Variants in GNG2 observed in about 807,000 individuals in gnomAD.
GNG2 encodes G protein subunit gamma 2.
A neutral mutation model predicts 5.5 loss-of-function variants in GNG2; 5 were observed. The ratio of observed to expected loss-of-function variants is 0.91; its 90% confidence interval spans 0.48 to 1.92. The LOEUF is 1.92. GNG2 is among the 30% of genes most tolerant of loss of function. GNG2 has a pLI of 0.01. For missense variants in GNG2, 55 were observed against 88.4 expected (o/e 0.62, Z 1.52); for synonymous variants, 28 against 32.0 (o/e 0.88, Z 0.42).
intron 3 of GNG2, among the ~76,000 whole-genome samples, chr14:51,958,383 AG>A (rs1889389356): frequency 1.4e-5 from 2 of 143,290 alleles, no homozygotes; most frequent in Admixed American, 1.4e-4. Flanking sequence ...AGGACCTCTC[AG>A]TGGATAGAGC....
intron 2 of GNG2, among the ~76,000 whole-genome samples, chr14:51,924,015 T>C (rs1887171902): frequency 6.6e-6 from 1 of 152,230 alleles, no homozygotes; most frequent in Admixed American, 6.5e-5. Flanking sequence ...ATTATGATCC[T>C]TTTCAGGTCT....
At chr14:51,900,312 C>T (rs1885465678) in intron 2 of GNG2, among the ~76,000 whole-genome samples, 1 of 152,042 alleles carries the variant, frequency 6.6e-6, no homozygotes, top group African/African-American at 2.4e-5. Flanking sequence ...CATGAAATCT[C>T]ATACAAATAT....
chr14:51,834,894 C>A (rs186086949), intron 2 of GNG2, among the ~76,000 whole-genome samples: 38 of 152,282 alleles, frequency 2.5e-4, no homozygotes, highest in Middle Eastern at 3.4e-3. Context: ...TTATTATATA[C>A]CTGGTTTAAA....
chr14:51,968,586 T>C lies in GNG2; in HGVS notation c.*1899T>C, dbSNP rs1392896134. Reference sequence around the variant, plus strand: ...CTGTAACCAGATACTTCTGTTCTTCTGTTCAAATTGTGGGGTTTTTGTTAC... The same window carrying C: ...CTGTAACCAGATACTTCTGTTCTTCCGTTCAAATTGTGGGGTTTTTGTTAC... On this transcript the variant is annotated 3_prime_UTR_variant, in exon 4 of 4. Transcript: ENST00000556766. 1 of 152,248 alleles carries C rather than the reference T, an allele frequency of 6.6e-6. No homozygotes were observed. The highest frequency in any genetic ancestry group is 6.5e-5 in the Admixed American group (1 of 15,290). 9.4% of individuals were successfully genotyped at this position (152,248 alleles called of 1,614,324 possible).
rs548004074 is a variant in GNG2, at chr14:51,892,028, T to C, written c.-30+14371T>C. Among the ~76,000 whole-genome samples, 6 of 152,360 alleles carry C rather than the reference T, an allele frequency of 3.9e-5. No homozygotes were observed. In the South Asian group the frequency reaches 1.0e-3, roughly 26 times the overall value. The stretch of plus-strand genomic sequence containing the variant: ...AGTGGTTATACCAATTTATTCTTCA[T>C]TAGCAGTATAAGAGTTCCTCTTGCT... On this transcript the variant is annotated intron_variant, in intron 2 of 3. Transcript: ENST00000556766.
intron 1 of GNG2, among the ~76,000 whole-genome samples, chr14:51,863,079 T>A (rs1489992035): frequency 6.6e-6 from 1 of 151,740 alleles, no homozygotes; most frequent in Non-Finnish European, 1.5e-5. Flanking sequence ...GGTGGACATG[T>A]AGTGAATGTG....
At chr14:51,867,545 T>C (rs1020889635) in intron 1 of GNG2, among the ~76,000 whole-genome samples, 2 of 152,182 alleles carry the variant, frequency 1.3e-5, no homozygotes, top group Non-Finnish European at 2.9e-5. Context: ...CTCCTTGCAA[T>C]TGTGATTGGG....
intron 1 of GNG2, chr14:51,861,209 G>C (rs556931336): frequency 1.8e-4 from 27 of 152,182 alleles, no homozygotes; most frequent in African/African-American, 6.3e-4. Flanking sequence ...CTTCTGTTTT[G>C]CAAAAATAAT....
At chr14:51,917,441 C>G in intron 2 of GNG2, 1 of 456,004 alleles carries the variant, frequency 2.2e-6, no homozygotes, top group South Asian at 1.5e-5. Flanking sequence ...TCCTGTGAGA[C>G]GTAGCATCCT....
At chr14:51,860,974 C>T (rs549376682) in intron 1 of GNG2, among the ~76,000 whole-genome samples, 184 bp downstream of exon 1, 1 of 152,104 alleles carries the variant, frequency 6.6e-6, no homozygotes, top group Non-Finnish European at 1.5e-5. Context: ...TTTAAAAAAA[C>T]CTCATCATCA....
rs539123057 is a variant in GNG2, at chr14:51,874,734, CA to C, written c.-70-2871del. ...TGGGTGACAGAGCAAGACTCTGTCT[CA>C]AAAAAAAAAAAGTCGGGTATCCTCT... On this transcript the variant is annotated intron_variant, in intron 1 of 3. Transcript: ENST00000556766. 2.3e-3 allele frequency among the ~76,000 whole-genome samples: 307 copies of C among 135,080 alleles called. 2 individuals carry two copies. The highest frequency in any genetic ancestry group is 5.6e-3 in the African/African-American group (206 of 36,774). The allele number at this position is 135,080 out of a possible 152,430, so 88.6% of individuals were successfully genotyped here. A position where few individuals can be genotyped will look rare whatever the true frequency, so the allele number is the denominator to read the frequency against.
intron 2 of GNG2, among the ~76,000 whole-genome samples, chr14:51,912,355 A>G (rs1172199324): frequency 6.6e-6 from 1 of 151,780 alleles, no homozygotes; most frequent in Non-Finnish European, 1.5e-5. Flanking sequence ...CCACACCCCA[A>G]CCCCCAAAAT....
intron 2 of GNG2, among the ~76,000 whole-genome samples, chr14:51,936,480 T>C (rs957525247): frequency 4.6e-5 from 7 of 151,790 alleles, no homozygotes; most frequent in African/African-American, 1.7e-4. Context: ...GAACTATATA[T>C]ACACAGTTGT....
chr14:51,922,990 A>G (rs1038878403), intron 2 of GNG2, among the ~76,000 whole-genome samples: 1 of 152,228 alleles, frequency 6.6e-6, no homozygotes, highest in Non-Finnish European at 1.5e-5. Flanking sequence ...AAACGTGCCA[A>G]CATACGTTTT....
chr14:51,897,925 G>T (rs1040389035), intron 2 of GNG2, among the ~76,000 whole-genome samples: 1 of 152,188 alleles, frequency 6.6e-6, no homozygotes, highest in Non-Finnish European at 1.5e-5. Context: ...TGAGATGACT[G>T]GGAGGCCTGC....
At chr14:51,948,104 A>G (rs1431270263) in intron 2 of GNG2, among the ~76,000 whole-genome samples, 4 of 152,116 alleles carry the variant, frequency 2.6e-5, no homozygotes, top group Admixed American at 6.5e-5. Flanking sequence ...CAAGGCGTAT[A>G]CCTCTTCCCT....
intron 2 of GNG2, among the ~76,000 whole-genome samples, chr14:51,922,685 T>C (rs556208805): frequency 3.1e-4 from 47 of 152,296 alleles, no homozygotes; most frequent in African/African-American, 1.1e-3. Context: ...CCAAAGACTT[T>C]TCAGAAGGAG....
intron 2 of GNG2, among the ~76,000 whole-genome samples, chr14:51,854,436 G>C (rs751741370): frequency 6.6e-6 from 1 of 152,080 alleles, no homozygotes; most frequent in Non-Finnish European, 1.5e-5. Flanking sequence ...TAGTAGCCTG[G>C]TCAAACTCTC....
At chr14:51,935,119 A>T (rs1351193625) in intron 2 of GNG2, among the ~76,000 whole-genome samples, 1 of 147,626 alleles carries the variant, frequency 6.8e-6, no homozygotes. Flanking sequence ...CTGCCTCCCG[A>T]GTTCACGCCG....
Sources: gnomAD v4.1 joint callset for allele counts (sites outside exome capture counted in the v4.1 genomes callset) on GRCh38, gnomAD v4.1.1 for gene constraint, MANE v1.5 for transcripts, NCBI Gene and HGNC (gene_info 2026-07-23, HGNC 2026-07-21) for gene names.